The following TMTC2 variants were observed in gnomAD, a reference collection of about 807,000 sequenced individuals.
The protein encoded by TMTC2 is protein O-mannosyl-transferase TMTC2.
A neutral mutation model predicts 82.4 loss-of-function variants in TMTC2; 43 were observed. The ratio of observed to expected loss-of-function variants is 0.52; its 90% confidence interval spans 0.41 to 0.67. The LOEUF (loss-of-function observed/expected upper bound fraction) is 0.67, where lower values mean the gene tolerates loss of function less well. Among genes scored for constraint, TMTC2 ranks in the 30% least tolerant of loss-of-function variants. The pLI is 0.00. For synonymous variants in TMTC2, 408 were observed against 381.9 expected (o/e 1.07, Z -0.80); for missense variants, 919 against 1,012.4 (o/e 0.91, Z 1.25).
chr12:83,047,527 G>T (rs186973222), intron 9 of TMTC2, among the ~76,000 whole-genome samples: 29 of 152,188 alleles, frequency 1.9e-4, no homozygotes, highest in African/African-American at 7.0e-4. Flanking sequence ...ATAATATTCT[G>T]TGCCTTTATC....
At chr12:82,963,840 T>TGA (rs1878063437) in intron 4 of TMTC2, among the ~76,000 whole-genome samples, 1 of 123,092 alleles carries the variant, frequency 8.1e-6, no homozygotes, top group Non-Finnish European at 1.8e-5. Context: ...TATATATATA[T>TGA]ATATATATAT....
intron 11 of TMTC2, among the ~76,000 whole-genome samples, chr12:83,079,010 T>C (rs1883376920): frequency 6.6e-6 from 1 of 152,076 alleles, no homozygotes; most frequent in South Asian, 2.1e-4. Context: ...AAAAAATCAT[T>C]AGCATGATTT....
chr12:83,125,336 A>T (rs1033010683), intron 11 of TMTC2, among the ~76,000 whole-genome samples: 15 of 152,154 alleles, frequency 9.9e-5, no homozygotes, highest in Non-Finnish European at 2.1e-4. Flanking sequence ...TTTAGGACCA[A>T]TTTTGAGGTA....
rs1480552553 is a variant in TMTC2 at position 83,132,156 on chromosome 12, G to A, written c.2332-54G>A. The A allele has an allele frequency of 6.5e-6, 10 of 1,538,972 alleles. No individual in the cohort carries two copies. The Admixed American group carries it at 1.8e-4, about 27-fold the overall frequency. ...GTGGATGAAGATTTTTGTTTTCCAT[G>A]AAGGAAAGCTTGAAATGGCCTCCTA... On this transcript the variant is annotated intron_variant, in intron 11 of 11. Transcript: ENST00000321196.
Position 82,895,872 on chromosome 12 carries a change from T to C in TMTC2, c.709T>C (p.Ser237Pro). ...TAGTTTGTTAATTTTCTGGGGTTCC[T>C]CCCTTTTGGGTGCCCGGTTATACTG... ...SISLLIFWGS[S>P]LLGARLYWMG... Residue 237 changes from serine (S) to proline (P), a missense_variant, in exon 3 of 12, where the codon TCC (serine) becomes CCC (proline). By Grantham distance (74) the Ser-to-Pro change is moderately conservative. Coordinates refer to ENST00000321196, the MANE Select transcript of TMTC2 (RefSeq NM_152588.3). 1 of 1,613,724 alleles carries C rather than the reference T, an allele frequency of 6.2e-7. No individual in the cohort carries two copies. The highest frequency in any genetic ancestry group is 8.5e-7 in the Non-Finnish European group (1 of 1,179,844).
chr12:82,768,704 T>A (rs1163239371), intron 1 of TMTC2, among the ~76,000 whole-genome samples: 1 of 152,086 alleles, frequency 6.6e-6, no homozygotes, highest in Non-Finnish European at 1.5e-5. Flanking sequence ...TTCCTTAGTT[T>A]ATAGTGTTGA....
chr12:82,708,848 A>G (rs148779829), intron 1 of TMTC2, among the ~76,000 whole-genome samples: 4 of 152,218 alleles, frequency 2.6e-5, no homozygotes, highest in Admixed American at 2.0e-4. Context: ...CCCCATGGGT[A>G]TCTGCCTTGC....
intron 9 of TMTC2, among the ~76,000 whole-genome samples, chr12:83,046,754 A>G (rs964597183): frequency 3.3e-5 from 5 of 152,128 alleles, no homozygotes; most frequent in Non-Finnish European, 5.9e-5. Context: ...TCAATGCCTT[A>G]TTGTACAAAT....
chr12:82,873,325 A>C (rs1872310430), intron 2 of TMTC2, among the ~76,000 whole-genome samples: 1 of 151,236 alleles, frequency 6.6e-6, no homozygotes, highest in Non-Finnish European at 1.5e-5. Flanking sequence ...ACCTGGTTAA[A>C]GTCTTGTGAA....
chr12:82,709,100 A>G (rs1442431089), intron 1 of TMTC2, among the ~76,000 whole-genome samples: 1 of 137,796 alleles, frequency 7.3e-6, no homozygotes, highest in Non-Finnish European at 1.6e-5. Context: ...TTTTTTTCTT[A>G]TTGGCAAGAA....
chr12:82,914,816 T>A (rs752500618), intron 3 of TMTC2, among the ~76,000 whole-genome samples: 6 of 136,702 alleles, frequency 4.4e-5, no homozygotes, highest in Admixed American at 2.9e-4. Flanking sequence ...ACAACTCACT[T>A]ATTTTTTTTT....
At chr12:82,730,725 A>G (rs531016173) in intron 1 of TMTC2, among the ~76,000 whole-genome samples, 44 of 152,340 alleles carry the variant, frequency 2.9e-4, no homozygotes, top group Admixed American at 1.0e-3. Context: ...TGATGGAGCC[A>G]TCTTGAAAAG....
chr12:83,056,954 C>T (rs1882567382), intron 10 of TMTC2, among the ~76,000 whole-genome samples: 1 of 151,848 alleles, frequency 6.6e-6, no homozygotes, highest in African/African-American at 2.4e-5. Flanking sequence ...TGTGATTTTA[C>T]GCTTCTAGGA....
intron 8 of TMTC2, among the ~76,000 whole-genome samples, chr12:83,017,416 C>T (rs1880724398): frequency 1.3e-5 from 2 of 152,214 alleles, no homozygotes; most frequent in Non-Finnish European, 2.9e-5. Flanking sequence ...ACAATTTAGA[C>T]TTTCAGTACA....
intron 1 of TMTC2, among the ~76,000 whole-genome samples, chr12:82,698,141 A>G (rs1318810012): frequency 6.6e-6 from 1 of 152,170 alleles, no homozygotes; most frequent in African/African-American, 2.4e-5. Flanking sequence ...ACTATATCTG[A>G]AGTTTTAAAG....
At chr12:82,963,413 C>T (rs963259016) in intron 4 of TMTC2, among the ~76,000 whole-genome samples, 2 of 151,532 alleles carry the variant, frequency 1.3e-5, no homozygotes, top group Non-Finnish European at 2.9e-5. Flanking sequence ...GGTATTTCTC[C>T]CCTGGTGCAC....
intron 11 of TMTC2, among the ~76,000 whole-genome samples, chr12:83,130,231 T>C (rs2137573517): frequency 6.6e-6 from 1 of 152,330 alleles, no homozygotes; most frequent in African/African-American, 2.4e-5. Context: ...TGTTTATTGA[T>C]AGTTGTGCTA....
intron 4 of TMTC2, among the ~76,000 whole-genome samples, chr12:82,947,088 C>A (rs73144594): frequency 7.2e-5 from 11 of 152,170 alleles, no homozygotes; most frequent in Non-Finnish European, 1.3e-4. Flanking sequence ...TTAGAACAAT[C>A]CAAGTTGTCT....
chr12:82,844,060 C>T lies in TMTC2; in HGVS notation c.84-12950C>T, dbSNP rs76583983. Among the ~76,000 whole-genome samples, 202 of 152,306 alleles carry T rather than the reference C, an allele frequency of 1.3e-3. 6 individuals carry two copies. The East Asian group carries it at 0.033, about 25-fold the overall frequency. On this transcript the variant is annotated intron_variant, in intron 1 of 11. Coordinates refer to ENST00000321196, the MANE Select transcript of TMTC2 (RefSeq NM_152588.3). ...TGCATCATGAATGTCTTTCCACTCC[C>T]AAGACTTCGTTTCCTAGAGCCTGTT...
Sources: allele counts gnomAD v4.1 joint callset (sites outside exome capture counted in the v4.1 genomes callset), GRCh38; gene constraint gnomAD v4.1.1; transcripts MANE v1.5; gene names NCBI Gene and HGNC (gene_info 2026-07-23, HGNC 2026-07-21).